AGTR1: variants seen among roughly 807,000 people sequenced by gnomAD.
AGTR1 encodes type-1 angiotensin II receptor.
AGTR1 carries 16 observed loss-of-function variants against 19.4 expected under a neutral mutation model. That is an observed-to-expected ratio of 0.82 (90% CI 0.56 to 1.25). The LOEUF (loss-of-function observed/expected upper bound fraction) is 1.25. AGTR1 is among the 50% of genes most tolerant of loss of function. The pLI, the probability that AGTR1 is intolerant of heterozygous loss-of-function variation, is 0.00. For missense variants in AGTR1, 373 were observed against 431.9 expected, an observed-to-expected ratio of 0.86 and a Z score of 1.21; for synonymous variants, 153 against 154.9, an observed-to-expected ratio of 0.99 and a Z score of 0.09.
intron 2 of AGTR1, among the ~76,000 whole-genome samples, chr3:148,723,754 G>A (rs1384706636): frequency 6.6e-6 from 1 of 152,186 alleles, no homozygotes; most frequent in African/African-American, 2.4e-5. Context: ...TGAGATCAAG[G>A]GTAGACAGTT....
chr3:148,712,165 T>G lies in AGTR1; in HGVS notation c.-48+4138T>G, dbSNP rs144284778. 3.6e-4 allele frequency among the ~76,000 whole-genome samples: 55 copies of G among 152,270 alleles called. No homozygotes were observed. The East Asian group carries it at 0.011, about 29-fold the overall frequency. On this transcript the variant is annotated intron_variant, in intron 2 of 2. Coordinates refer to ENST00000349243, the MANE Select transcript of AGTR1 (RefSeq NM_000685.5). The stretch of plus-strand genomic sequence containing the variant: ...CTGGAATCAAGAGTGCTGTTGTCTT[T>G]TCCCTTCAATTAGTCATTCCTTTTA...
chr3:148,730,508 GAGTA>G (rs1256310831), intron 2 of AGTR1: 3 of 295,622 alleles, frequency 1.0e-5, no homozygotes, highest in South Asian at 1.6e-4. Flanking sequence ...GCAGTTTAAT[GAGTA>G]AGTTTCTCAT....
At chr3:148,732,820 A>C (rs1352124258) in intron 2 of AGTR1, among the ~76,000 whole-genome samples, 1 of 136,490 alleles carries the variant, frequency 7.3e-6, no homozygotes, top group Non-Finnish European at 1.5e-5. Context: ...GGCTCACTGC[A>C]AGCTCTGCCT....
At chr3:148,699,941 C>T (rs1430379482) in intron 1 of AGTR1, among the ~76,000 whole-genome samples, 1 of 152,108 alleles carries the variant, frequency 6.6e-6, no homozygotes, top group African/African-American at 2.4e-5. Flanking sequence ...TTTCTTCCAC[C>T]GGTTCCACTG....
rs1369994338 is a variant in AGTR1, at chr3:148,702,104, AGT to A, written c.-132+3978_-132+3979del. On this transcript the variant is annotated intron_variant, in intron 1 of 2. Coordinates refer to ENST00000349243, the MANE Select transcript of AGTR1 (RefSeq NM_000685.5). ...ATGATTTTCCTGCCTCAGCCTCCTT[AGT>A]AGCTGGGATTACAGGTGCATGCCGC... Among the ~76,000 whole-genome samples the A allele has an allele frequency of 2.0e-4, 30 of 149,808 alleles. 1 individual carries two copies. The highest frequency in any genetic ancestry group is 7.4e-4 in the African/African-American group (30 of 40,548).
intron 2 of AGTR1, among the ~76,000 whole-genome samples, chr3:148,736,776 T>C (rs1354069657): frequency 3.9e-5 from 6 of 152,150 alleles, no homozygotes; most frequent in Admixed American, 3.3e-4. Context: ...AATGGTGCTA[T>C]GGAATTCATG....
intron 2 of AGTR1, among the ~76,000 whole-genome samples, chr3:148,714,407 G>A (rs1713172336): frequency 6.6e-6 from 1 of 152,102 alleles, no homozygotes; most frequent in African/African-American, 2.4e-5. Context: ...ATCGCTCCAG[G>A]CAGAGGGTAG....
chr3:148,719,800 G>A (rs1467562659), intron 2 of AGTR1, among the ~76,000 whole-genome samples: 1 of 152,216 alleles, frequency 6.6e-6, no homozygotes, highest in Non-Finnish European at 1.5e-5. Context: ...CCCAGTTGAT[G>A]CTAACGCTGC....
chr3:148,722,742 C>T (rs975679774), intron 2 of AGTR1, among the ~76,000 whole-genome samples: 6 of 152,168 alleles, frequency 3.9e-5, no homozygotes, highest in African/African-American at 1.4e-4. Flanking sequence ...CATCAGACCA[C>T]CATTTTCCGT....
intron 1 of AGTR1, among the ~76,000 whole-genome samples, chr3:148,707,119 C>T (rs1464454704): frequency 6.6e-6 from 1 of 151,754 alleles, no homozygotes; most frequent in Non-Finnish European, 1.5e-5. Context: ...TATTGTACAG[C>T]CATCAAAATG....
Position 148,742,030 on chromosome 3 carries a change from C to A in AGTR1, c.995C>A (p.Thr332Lys). 1 of 1,613,818 alleles carries A rather than the reference C, an allele frequency of 6.2e-7. No homozygotes were observed. The highest frequency in any genetic ancestry group is 8.5e-7 in the Non-Finnish European group (1 of 1,179,938). Reference sequence around the variant, plus strand: ...GCCAAATCCCACTCAAACCTTTCAACAAAAATGAGCACGCTTTCCTACCGC... The same window carrying A: ...GCCAAATCCCACTCAAACCTTTCAAAAAAAATGAGCACGCTTTCCTACCGC... The part of the protein sequence containing the change: ...PKAKSHSNLS[T>K]KMSTLSYRPS... Residue 332 changes from threonine to lysine, a missense_variant, in exon 3 of 3, where the codon ACA becomes AAA. Thr to Lys is a moderately conservative substitution (Grantham distance 78, BLOSUM62 -1). Transcript: ENST00000349243.
chr3:148,733,745 T>C (rs970306844), intron 2 of AGTR1, among the ~76,000 whole-genome samples: 2 of 152,156 alleles, frequency 1.3e-5, no homozygotes, highest in African/African-American at 2.4e-5. Context: ...GAGAAAATTC[T>C]ATGAGTCTAT....
chr3:148,704,525 A>G (rs1387001210), intron 1 of AGTR1, among the ~76,000 whole-genome samples: 1 of 152,192 alleles, frequency 6.6e-6, no homozygotes, highest in Non-Finnish European at 1.5e-5. Context: ...TAGACTGTTC[A>G]GCATTCCAAC....
intron 2 of AGTR1, among the ~76,000 whole-genome samples, chr3:148,719,044 T>C (rs962151210): frequency 7.9e-5 from 12 of 152,316 alleles, no homozygotes; most frequent in Middle Eastern, 3.4e-3. Context: ...TAAAGTGTTG[T>C]GATTTTTTTA....
rs1432609682 is a variant in AGTR1 at position 148,741,809 on chromosome 3, A to G, written c.774A>G (p.Ile258Met). 6.2e-7 allele frequency: 1 copy of G among 1,613,538 alleles called. No individual in the cohort carries two copies. Among genetic ancestry groups the G allele is most frequent in the East Asian group, 2.2e-5 (1 of 44,884 alleles). Reference sequence around the variant, plus strand: ...TCTTTTCCTGGATTCCCCACCAAATATTCACTTTTCTGGATGTATTGATTC... The same window carrying G: ...TCTTTTCCTGGATTCCCCACCAAATGTTCACTTTTCTGGATGTATTGATTC... ...FFFFSWIPHQ[I>M]FTFLDVLIQL... The change falls in exon 3 of 3, where the codon ATA becomes ATG. Residue 258 changes from isoleucine (I) to methionine (M), a missense_variant. Physicochemically the swap from Ile to Met is conservative, Grantham distance 10 (BLOSUM62 1). Coordinates refer to ENST00000349243, the MANE Select transcript of AGTR1 (RefSeq NM_000685.5).
intron 1 of AGTR1, among the ~76,000 whole-genome samples, chr3:148,704,585 A>G (rs1348782639): frequency 6.6e-6 from 1 of 152,180 alleles, no homozygotes; most frequent in African/African-American, 2.4e-5. Flanking sequence ...CTTATTTACT[A>G]CAAGCATGGT....
rs117709422 is a variant in AGTR1, at chr3:148,733,392, T to C, written c.-47-7597T>C. 2.0e-5 allele frequency among the ~76,000 whole-genome samples: 3 copies of C among 152,334 alleles called. No individual in the cohort carries two copies. In the East Asian group the frequency reaches 5.8e-4, roughly 29 times the overall value. On this transcript the variant is annotated intron_variant, in intron 2 of 2. Coordinates refer to ENST00000349243, the MANE Select transcript of AGTR1 (RefSeq NM_000685.5). ...AATGCATATAAATTCTCTAATATTA[T>C]CATAATTTCTTAAGGGTACAAATTA...
intron 1 of AGTR1, among the ~76,000 whole-genome samples, chr3:148,707,444 T>C (rs1376914505): frequency 6.6e-6 from 1 of 152,110 alleles, no homozygotes; most frequent in Non-Finnish European, 1.5e-5. Context: ...CGCGTTAGCA[T>C]TACTTCTGGG....
At chr3:148,698,331 G>T (rs1422996700) in intron 1 of AGTR1, 1 of 152,336 alleles carries the variant, frequency 6.6e-6, no homozygotes, top group African/African-American at 2.4e-5. Context: ...GAATGGGAGG[G>T]AACAAGGTAG....
Sources: gnomAD v4.1 joint callset for allele counts (sites outside exome capture counted in the v4.1 genomes callset) on GRCh38, gnomAD v4.1.1 for gene constraint, MANE v1.5 for transcripts, NCBI Gene and HGNC (gene_info 2026-07-23, HGNC 2026-07-21) for gene names.